Variants in PSPC1 observed in about 807,000 individuals in gnomAD.
PSPC1 encodes the protein paraspeckle component 1.
In PSPC1, 14 loss-of-function variants were observed where a neutral mutation model predicts 51.6. That is an observed-to-expected ratio of 0.27 (90% CI 0.18 to 0.42). PSPC1 has a LOEUF of 0.42. Ranked by LOEUF, PSPC1 falls within the 10% of genes least tolerant of loss-of-function variation. The pLI is 1.00. For synonymous variants in PSPC1, 193 were observed against 231.9 expected (o/e 0.83, Z 1.53); for missense variants, 406 against 701.1 (o/e 0.58, Z 4.75).
chr13:19,758,931 G>A (rs7320086), intron 3 of PSPC1, among the ~76,000 whole-genome samples: 15,169 of 151,548 alleles, frequency 0.1, 864 homozygotes, highest in African/African-American at 0.16. Context: ...TACCCTCCCT[G>A]CCCCAGTTAT....
At chr13:19,766,708 A>G (rs557040889) in intron 2 of PSPC1, among the ~76,000 whole-genome samples, 2 of 152,022 alleles carry the variant, frequency 1.3e-5, no homozygotes, top group East Asian at 3.9e-4. Context: ...ATCGTTAGTT[A>G]ACTGGGTGTG....
chr13:19,775,132 T>C (rs1240143634), intron 1 of PSPC1, among the ~76,000 whole-genome samples: 1 of 150,758 alleles, frequency 6.6e-6, no homozygotes, highest in Admixed American at 6.6e-5. Context: ...AGGTCAGGAG[T>C]TCGAGACCAG....
intron 5 of PSPC1, among the ~76,000 whole-genome samples, chr13:19,736,063 G>T (rs1041982041): frequency 6.6e-6 from 1 of 151,848 alleles, no homozygotes; most frequent in Non-Finnish European, 1.5e-5. Flanking sequence ...CTTGTGATCC[G>T]CCTGCCTCGG....
chr13:19,712,367 C>T (rs1881549731), intron 6 of PSPC1, among the ~76,000 whole-genome samples: 1 of 152,124 alleles, frequency 6.6e-6, no homozygotes, highest in Non-Finnish European at 1.5e-5. Context: ...GCCTATGATT[C>T]ACTGGCAGGA....
chr13:19,756,513 T>G (rs1887086643), intron 3 of PSPC1, among the ~76,000 whole-genome samples: 1 of 151,940 alleles, frequency 6.6e-6, no homozygotes, highest in Admixed American at 6.6e-5. Context: ...AAAACCTTTT[T>G]TTTTTTGAGA....
chr13:19,706,319 G>A (rs1425034651), intron 7 of PSPC1, among the ~76,000 whole-genome samples: 1 of 151,248 alleles, frequency 6.6e-6, no homozygotes, highest in East Asian at 1.9e-4. Context: ...ATTATAACTA[G>A]CCTCTCATCT....
At chr13:19,677,237 A>C (rs1349908284) in intron 7 of PSPC1, among the ~76,000 whole-genome samples, 3 of 151,144 alleles carry the variant, frequency 2.0e-5, no homozygotes, top group Admixed American at 1.3e-4. Flanking sequence ...CGTCTCAAAA[A>C]AAAAAAAAAA....
intron 2 of PSPC1, among the ~76,000 whole-genome samples, chr13:19,760,987 C>T (rs893923453): frequency 5.4e-5 from 8 of 148,866 alleles, no homozygotes; most frequent in African/African-American, 2.0e-4. Flanking sequence ...AACTCCGTCT[C>T]AAATTAAAAA....
At chr13:19,686,774 G>A (rs1877932264) in intron 6 of PSPC1, among the ~76,000 whole-genome samples, 1 of 152,182 alleles carries the variant, frequency 6.6e-6, no homozygotes, top group Non-Finnish European at 1.5e-5. Flanking sequence ...ATCTCAAGGA[G>A]GATCTGAATG....
chr13:19,717,130 A>G (rs1332933229), intron 6 of PSPC1, among the ~76,000 whole-genome samples: 1 of 152,228 alleles, frequency 6.6e-6, no homozygotes, highest in African/African-American at 2.4e-5. Flanking sequence ...CAAAGAATGA[A>G]GCAAAAATCA....
At chr13:19,696,683 A>G (rs982560185) in intron 6 of PSPC1, among the ~76,000 whole-genome samples, 2 of 152,190 alleles carry the variant, frequency 1.3e-5, no homozygotes, top group Non-Finnish European at 2.9e-5. Flanking sequence ...CCAAACTATC[A>G]TTCTATTCAT....
chr13:19,715,285 A>G (rs1881960569), intron 6 of PSPC1, among the ~76,000 whole-genome samples: 1 of 152,230 alleles, frequency 6.6e-6, no homozygotes, highest in Admixed American at 6.5e-5. Flanking sequence ...GTTTTCTTTC[A>G]TGAAAATATA....
chr13:19,715,512 G>A (rs191069513), intron 6 of PSPC1, among the ~76,000 whole-genome samples: 14 of 152,214 alleles, frequency 9.2e-5, no homozygotes, highest in South Asian at 2.1e-4. Flanking sequence ...ACACCAACAC[G>A]ATGCCCAAAG....
chr13:19,676,764 A>G (rs1365668469), intron 7 of PSPC1, among the ~76,000 whole-genome samples: 1 of 152,236 alleles, frequency 6.6e-6, no homozygotes, highest in East Asian at 1.9e-4. Context: ...AAAGACATAC[A>G]CTTAATACTT....
intron 1 of PSPC1, among the ~76,000 whole-genome samples, chr13:19,779,225 A>G (rs1247521508): frequency 1.4e-5 from 1 of 73,052 alleles, no homozygotes; most frequent in African/African-American, 4.5e-5. Flanking sequence ...CAGCCACCCC[A>G]TCTGGGAAGT....
chr13:19,736,661 C>G (rs145920348), intron 5 of PSPC1, among the ~76,000 whole-genome samples: 17 of 151,920 alleles, frequency 1.1e-4, no homozygotes, highest in African/African-American at 4.1e-4. Context: ...CCAGCCTGGG[C>G]GACAGAGTGA....
intron 2 of PSPC1, among the ~76,000 whole-genome samples, chr13:19,764,177 C>T (rs1209148087): frequency 2.0e-5 from 3 of 152,066 alleles, no homozygotes; most frequent in Non-Finnish European, 4.4e-5. Flanking sequence ...AGAAACAAGG[C>T]CCCTGAAATC....
chr13:19,738,511 A>G (rs1308733483), intron 5 of PSPC1, among the ~76,000 whole-genome samples: 1 of 152,208 alleles, frequency 6.6e-6, no homozygotes, highest in Non-Finnish European at 1.5e-5. Context: ...AACGACAAGT[A>G]ACAAAAAGTC....
At chr13:19,680,102 C>A (rs1877103026) in intron 6 of PSPC1, among the ~76,000 whole-genome samples, 1 of 152,130 alleles carries the variant, frequency 6.6e-6, no homozygotes, top group Non-Finnish European at 1.5e-5. Context: ...GCAACCTTCA[C>A]CTCCCAGGTT....
Sources: gnomAD v4.1 joint callset for allele counts (sites outside exome capture counted in the v4.1 genomes callset) on GRCh38, gnomAD v4.1.1 for gene constraint, MANE v1.5 for transcripts, NCBI Gene and HGNC (gene_info 2026-07-23, HGNC 2026-07-21) for gene names.